The following LINGO2 variants were observed in gnomAD, a reference collection of about 807,000 sequenced individuals.
LINGO2 encodes the protein leucine-rich repeat and immunoglobulin-like domain-containing nogo receptor-interacting protein 2.
Under a neutral mutation model 30.6 loss-of-function variants are expected in LINGO2, and 14 were observed. The ratio of observed to expected loss-of-function variants is 0.46; its 90% CI spans 0.30 to 0.72. The LOEUF is 0.72. Among genes scored for constraint, LINGO2 ranks in the 30% least tolerant of loss-of-function variants. The pLI is 0.07. For missense variants in LINGO2, 729 were observed against 751.7 expected, an observed-to-expected ratio of 0.97 and a Z score of 0.35; for synonymous variants, 317 against 288.5, an observed-to-expected ratio of 1.10 and a Z score of -1.00.
At chr9:28,188,403 A>G (rs1200893317) in intron 4 of LINGO2, among the ~76,000 whole-genome samples, 1 of 152,148 alleles carries the variant, frequency 6.6e-6, no homozygotes, top group African/African-American at 2.4e-5. Context: ...CTATTTATTA[A>G]TGGCCATCCT....
the LINGO2 span, among the ~76,000 whole-genome samples, chr9:28,740,755 G>C: frequency 6.6e-6 from 1 of 151,870 alleles, no homozygotes; most frequent in Admixed American, 6.6e-5. Context: ...TGATTCAATT[G>C]AGCTAATTAA....
intron 2 of LINGO2, among the ~76,000 whole-genome samples, chr9:28,424,350 C>T (rs115793073): frequency 0.028 from 4,325 of 152,158 alleles, 199 homozygotes; most frequent in African/African-American, 0.097. Context: ...ATGAATAAGT[C>T]CAGGCTAGCC....
chr9:28,171,860 A>C (rs1828594004), intron 4 of LINGO2, among the ~76,000 whole-genome samples: 1 of 149,222 alleles, frequency 6.7e-6, no homozygotes, highest in African/African-American at 2.5e-5. Flanking sequence ...AAAAAACAAA[A>C]AACCAAAAAA....
chr9:28,397,043 T>C (rs985055161), intron 2 of LINGO2, among the ~76,000 whole-genome samples: 127 of 152,290 alleles, frequency 8.3e-4, no homozygotes, highest in Admixed American at 5.8e-3. Context: ...GATGATGCCC[T>C]GGGCTCATTA....
chr9:28,393,033 A>G (rs1451930820), intron 2 of LINGO2, among the ~76,000 whole-genome samples: 1 of 152,244 alleles, frequency 6.6e-6, no homozygotes, highest in East Asian at 1.9e-4. Context: ...TCATTTGACT[A>G]ATGAATCCCT....
chr9:28,674,637 T>C (rs532048910), upstream of LINGO2, among the ~76,000 whole-genome samples: 10 of 152,280 alleles, frequency 6.6e-5, no homozygotes, highest in South Asian at 2.1e-3. Flanking sequence ...AGAGAAAACA[T>C]ATACTATATG....
chr9:29,071,256 A>T, the LINGO2 span, among the ~76,000 whole-genome samples: 1 of 150,534 alleles, frequency 6.6e-6, no homozygotes, highest in African/African-American at 2.4e-5. Context: ...AGTTGGCATG[A>T]TCATGGCTCA....
At chr9:28,586,209 C>G (rs1398629365) in intron 1 of LINGO2, among the ~76,000 whole-genome samples, 1 of 151,766 alleles carries the variant, frequency 6.6e-6, no homozygotes, top group East Asian at 1.9e-4. Flanking sequence ...GTAAGACATG[C>G]TTGTTATTTT....
At chr9:27,973,064 A>G (rs998997256) in intron 5 of LINGO2, among the ~76,000 whole-genome samples, 2 of 152,208 alleles carry the variant, frequency 1.3e-5, no homozygotes, top group Non-Finnish European at 2.9e-5. Flanking sequence ...GGCTCAGTCT[A>G]TGTTGTATCA....
the LINGO2 span, among the ~76,000 whole-genome samples, chr9:28,977,197 A>T: frequency 1.3e-5 from 2 of 152,130 alleles, no homozygotes; most frequent in African/African-American, 4.8e-5. Context: ...TCACCTAGCA[A>T]AACTATGGTT....
chr9:28,408,210 T>A (rs934042412), intron 2 of LINGO2, among the ~76,000 whole-genome samples: 1 of 152,092 alleles, frequency 6.6e-6, no homozygotes, highest in Non-Finnish European at 1.5e-5. Flanking sequence ...AAATTTCAGC[T>A]TTTTCATGTG....
chr9:28,123,866 C>T (rs915064967), intron 4 of LINGO2, among the ~76,000 whole-genome samples: 8 of 152,034 alleles, frequency 5.3e-5, no homozygotes, highest in African/African-American at 1.5e-4. Context: ...TGGGGTTTCA[C>T]CGTGTTAGCC....
chr9:28,217,879 T>C (rs1486982482), intron 4 of LINGO2, among the ~76,000 whole-genome samples: 1 of 152,000 alleles, frequency 6.6e-6, no homozygotes, highest in Non-Finnish European at 1.5e-5. Flanking sequence ...GATAATTGTT[T>C]GCAGAAATAA....
chr9:29,025,123 T>A, the LINGO2 span, among the ~76,000 whole-genome samples: 1 of 151,490 alleles, frequency 6.6e-6, no homozygotes, highest in South Asian at 2.1e-4. Context: ...TTCAAACATC[T>A]GTGGGAACTC....
At chr9:29,159,478 A>G in the LINGO2 span, among the ~76,000 whole-genome samples, 3 of 152,186 alleles carry the variant, frequency 2.0e-5, no homozygotes, top group African/African-American at 4.8e-5. Context: ...AGACATTATA[A>G]AACTCCTAAA....
At chr9:28,907,964 T>C in the LINGO2 span, among the ~76,000 whole-genome samples, 1 of 151,816 alleles carries the variant, frequency 6.6e-6, no homozygotes, top group East Asian at 1.9e-4. Context: ...CACAGATTTA[T>C]TGGAATGGGA....
intron 4 of LINGO2, among the ~76,000 whole-genome samples, chr9:28,035,489 A>G (rs1263144151): frequency 6.6e-6 from 1 of 152,372 alleles, no homozygotes; most frequent in East Asian, 1.9e-4. Flanking sequence ...AATAGAATCC[A>G]GTGTTATTAA....
At chr9:28,226,531 A>G (rs961438364) in intron 4 of LINGO2, among the ~76,000 whole-genome samples, 1 of 151,798 alleles carries the variant, frequency 6.6e-6, no homozygotes, top group Non-Finnish European at 1.5e-5. Context: ...TCAAGGGCAT[A>G]AGAAGAGAAA....
chr9:28,230,417 T>C (rs543029234), intron 4 of LINGO2, among the ~76,000 whole-genome samples: 69 of 151,982 alleles, frequency 4.5e-4, no homozygotes, highest in African/African-American at 1.6e-3. Context: ...AGGTTTGTTT[T>C]TGAGGTCTAA....
Sources: gnomAD v4.1 joint callset for allele counts (sites outside exome capture counted in the v4.1 genomes callset) on GRCh38, gnomAD v4.1.1 for gene constraint, MANE v1.5 for transcripts, NCBI Gene and HGNC (gene_info 2026-07-23, HGNC 2026-07-21) for gene names.